APELA: variants seen among roughly 807,000 people sequenced by gnomAD.
The protein encoded by APELA is protein Elabela.
Position 164,878,957 on chromosome 4 carries a change from T to C in APELA, c.114T>C (p.Asn38=). The C allele has an allele frequency of 2.5e-6, 1 of 398,978 alleles. No homozygotes were observed. Among genetic ancestry groups the C allele is most frequent in the Non-Finnish European group, 4.4e-6 (1 of 226,030 alleles). The allele number at this position is 398,978 out of a possible 1,614,324, so 24.7% of individuals were successfully genotyped here. A position where few individuals can be genotyped will look rare whatever the true frequency, so the allele number is the denominator to read the frequency against. ...TGAGAAGAAAACTGCGCAAACACAA[T>C]TGCCTTCAGAGGAGATGTATGCCTC... ...LTMRRKLRKH[N]CLQRRCMPLH... is the part of the protein sequence containing the mutation. The change falls in exon 2 of 3, where the codon AAT becomes AAC. Residue 38 remains asparagine (N), a synonymous_variant. Transcript: ENST00000507152.
intron 2 of APELA, among the ~76,000 whole-genome samples, chr4:164,894,031 A>G (rs1221889287): frequency 3.3e-5 from 5 of 152,162 alleles, no homozygotes; most frequent in Non-Finnish European, 7.3e-5. Flanking sequence ...AATTTATTTA[A>G]CAATTTTTTG....
chr4:164,885,947 C>A (rs1241943253), intron 2 of APELA, among the ~76,000 whole-genome samples: 1 of 152,144 alleles, frequency 6.6e-6, no homozygotes, highest in East Asian at 1.9e-4. Context: ...CAAACTCTCT[C>A]CCTCCTTGAG....
rs1730659552 is a variant in APELA at position 164,881,888 on chromosome 4, A to AT, written c.*1+2879_*1+2880insT. Among the ~76,000 whole-genome samples, 3 of 140,284 alleles carry AT rather than the reference A, an allele frequency of 2.1e-5. No homozygotes were observed. In the East Asian group the frequency reaches 6.1e-4, roughly 29 times the overall value. 92.0% of individuals were successfully genotyped at this position (140,284 alleles called of 152,430 possible). A position where few individuals can be genotyped will look rare whatever the true frequency, so the allele number is the denominator to read the frequency against. On this transcript the variant is annotated intron_variant, in intron 2 of 2. Coordinates refer to ENST00000507152, the MANE Select transcript of APELA (RefSeq NM_001297550.2). ...TGTCTCTACCAAAAAAAAAAAAAAAAGTTAGCCAGGCATGGTGGCGTGTGC... is the reference window on the plus strand; with the variant it reads ...TGTCTCTACCAAAAAAAAAAAAAAAATGTTAGCCAGGCATGGTGGCGTGTGC...
At chr4:164,881,853 G>A (rs953675757) in intron 2 of APELA, among the ~76,000 whole-genome samples, 1 of 144,848 alleles carries the variant, frequency 6.9e-6, no homozygotes, top group Non-Finnish European at 1.5e-5. Context: ...TGGACAACAT[G>A]ATTTAACCTT....
intron 2 of APELA, among the ~76,000 whole-genome samples, chr4:164,888,726 A>G (rs1346290213): frequency 6.6e-6 from 1 of 152,168 alleles, no homozygotes; most frequent in Non-Finnish European, 1.5e-5. Context: ...TCTTTTATCC[A>G]TTCTTCGTAT....
chr4:164,894,858 C>A (rs1158671954), intron 2 of APELA, among the ~76,000 whole-genome samples: 2 of 152,062 alleles, frequency 1.3e-5, no homozygotes, highest in Admixed American at 6.6e-5. Context: ...TTAGGCAATC[C>A]GAGTTGAGAG....
At chr4:164,877,699 A>ATGAAACAG in intron 1 of APELA, among the ~76,000 whole-genome samples, 1 of 152,354 alleles carries the variant, frequency 6.6e-6, no homozygotes, top group East Asian at 1.9e-4. Context: ...TACAAGTAAA[A>ATGAAACAG]TGAAACAGAA....
chr4:164,891,654 A>G (rs1418018920), intron 2 of APELA, among the ~76,000 whole-genome samples: 2 of 152,286 alleles, frequency 1.3e-5, no homozygotes, highest in East Asian at 1.9e-4. Flanking sequence ...AAATCTTAAT[A>G]AAATTATTGA....
chr4:164,892,998 T>A (rs922257971), intron 2 of APELA, among the ~76,000 whole-genome samples: 1 of 152,126 alleles, frequency 6.6e-6, no homozygotes, highest in Non-Finnish European at 1.5e-5. Flanking sequence ...TCTCTTTTAT[T>A]CTTGGTCAGT....
chr4:164,878,322 C>A (rs1480303965), intron 1 of APELA, among the ~76,000 whole-genome samples: 1 of 152,076 alleles, frequency 6.6e-6, no homozygotes, highest in Non-Finnish European at 1.5e-5. Context: ...TGATAATATA[C>A]TTCTTCAGTT....
In APELA at chr4:164,888,677, T is replaced by C. The variant is rs1011267016; in HGVS notation, c.*2-6739T>C. On this transcript the variant is annotated intron_variant, in intron 2 of 2. Coordinates refer to ENST00000507152, the MANE Select transcript of APELA (RefSeq NM_001297550.2). ...TCACATTACACAAGCTCAACGACTGTTTACCTTGCAGCAACCTTCACACCT... is the reference window on the plus strand; with the variant it reads ...TCACATTACACAAGCTCAACGACTGCTTACCTTGCAGCAACCTTCACACCT... Among the ~76,000 whole-genome samples, 15 of 152,320 alleles carry C rather than the reference T, an allele frequency of 9.8e-5. 1 individual carries two copies. Among genetic ancestry groups the C allele is most frequent in the African/African-American group, 3.6e-4 (15 of 41,582 alleles).
intron 2 of APELA, among the ~76,000 whole-genome samples, chr4:164,880,566 T>TA (rs1730637052): frequency 1.3e-5 from 2 of 152,210 alleles, no homozygotes; most frequent in Non-Finnish European, 2.9e-5. Flanking sequence ...GAAATAATGG[T>TA]AAAAATCTGT....
At chr4:164,894,342 A>G (rs1730932861) in intron 2 of APELA, among the ~76,000 whole-genome samples, 1 of 152,056 alleles carries the variant, frequency 6.6e-6, no homozygotes, top group Admixed American at 6.5e-5. Context: ...TAAGCAAAAA[A>G]AATCCATCTC....
Position 164,883,916 on chromosome 4 carries a change from T to C in APELA, c.*1+4907T>C, listed in dbSNP as rs1174496018. On this transcript the variant is annotated intron_variant, in intron 2 of 2. Transcript: ENST00000507152. ...ATGTCAACACTGATCTATTTTGTCT[T>C]AAAAAAAAAAAAAAAGACAGAAAGA... is the stretch of plus-strand genomic sequence containing the variant. Among the ~76,000 whole-genome samples the C allele has an allele frequency of 3.0e-5, 4 of 133,464 alleles. No homozygotes were observed. The East Asian group carries it at 8.6e-4, about 29-fold the overall frequency. 87.6% of individuals were successfully genotyped at this position (133,464 alleles called of 152,430 possible).
intron 2 of APELA, among the ~76,000 whole-genome samples, chr4:164,887,981 T>G (rs1730806091): frequency 6.6e-6 from 1 of 152,202 alleles, no homozygotes; most frequent in African/African-American, 2.4e-5. Context: ...AGCAGCTGGC[T>G]ACTTGGCCTG....
At chr4:164,882,748 C>A (rs906815565) in intron 2 of APELA, among the ~76,000 whole-genome samples, 47 of 152,016 alleles carry the variant, frequency 3.1e-4, no homozygotes, top group African/African-American at 1.1e-3. Flanking sequence ...CCTCCCCACT[C>A]CCCCCACCCC....
At chr4:164,898,534 T>C (rs958206445), downstream of APELA, among the ~76,000 whole-genome samples, 2 of 151,508 alleles carry the variant, frequency 1.3e-5, no homozygotes, top group Admixed American at 1.3e-4. Context: ...TATTTGTAAT[T>C]TCTAACATTT....
At chr4:164,882,638 C>T (rs1052665501) in intron 2 of APELA, among the ~76,000 whole-genome samples, 1 of 151,866 alleles carries the variant, frequency 6.6e-6, no homozygotes, top group Non-Finnish European at 1.5e-5. Context: ...GGTACATGTG[C>T]ACAACGTGCA....
chr4:164,893,592 T>C (rs1730919480), intron 2 of APELA, among the ~76,000 whole-genome samples: 3 of 152,162 alleles, frequency 2.0e-5, no homozygotes, highest in Admixed American at 6.5e-5. Context: ...TTTGTCTTAA[T>C]TTTTAAAACT....
Sources: allele counts gnomAD v4.1 joint callset (sites outside exome capture counted in the v4.1 genomes callset), GRCh38; gene constraint gnomAD v4.1.1; transcripts MANE v1.5; gene names NCBI Gene and HGNC (gene_info 2026-07-23, HGNC 2026-07-21).